Variants in BCAR3 observed in about 807,000 individuals in gnomAD.
BCAR3 encodes the protein breast cancer anti-estrogen resistance protein 3.
A neutral mutation model predicts 80.1 loss-of-function variants in BCAR3; 37 were observed. The observed-to-expected ratio is 0.46, with a 90% CI of 0.36 to 0.61. The LOEUF is 0.61. Ranked by LOEUF, BCAR3 falls within the 20% of genes least tolerant of loss-of-function variation. The pLI, the probability that BCAR3 is intolerant of heterozygous loss-of-function variation, is 0.00. For synonymous variants in BCAR3, 389 were observed against 418.9 expected, an observed-to-expected ratio of 0.93 and a Z score of 0.87; for missense variants, 978 against 1,068.2, an observed-to-expected ratio of 0.92 and a Z score of 1.18.
chr1:93,806,295 G>C (rs1653650808), intron 2 of BCAR3, among the ~76,000 whole-genome samples: 1 of 152,202 alleles, frequency 6.6e-6, no homozygotes, highest in Non-Finnish European at 1.5e-5. Context: ...AGAGAGGCCA[G>C]ATGGTTGAGG....
At chr1:93,842,198 TGG>T (rs998189662) in intron 2 of BCAR3, among the ~76,000 whole-genome samples, 38 of 150,820 alleles carry the variant, frequency 2.5e-4, no homozygotes, top group Non-Finnish European at 4.6e-4. Flanking sequence ...TTGCCCAGGC[TGG>T]AGTGCAAATA....
intron 1 of BCAR3, among the ~76,000 whole-genome samples, chr1:93,680,156 A>G (rs1357782058): frequency 1.3e-5 from 2 of 152,250 alleles, no homozygotes; most frequent in African/African-American, 2.4e-5. Context: ...TCAAGTATGA[A>G]TAATTCCTCC....
intron 2 of BCAR3, among the ~76,000 whole-genome samples, chr1:93,796,772 G>A (rs1332871021): frequency 2.0e-5 from 3 of 152,176 alleles, no homozygotes; most frequent in African/African-American, 4.8e-5. Context: ...TAGGAACCAT[G>A]TTTCCATGAT....
chr1:93,585,523 C>T (rs1388465816), intron 5 of BCAR3, among the ~76,000 whole-genome samples: 1 of 152,202 alleles, frequency 6.6e-6, no homozygotes, highest in Non-Finnish European at 1.5e-5. Context: ...GAGGCCTTCC[C>T]TGCAGCAGTG....
At chr1:93,708,104 C>T (rs1187337123) in intron 2 of BCAR3, among the ~76,000 whole-genome samples, 3 of 152,242 alleles carry the variant, frequency 2.0e-5, no homozygotes, top group East Asian at 3.9e-4. Context: ...AATGGAACTT[C>T]GCAGACTGCT....
chr1:93,747,991 T>C (rs1651416044), intron 2 of BCAR3, among the ~76,000 whole-genome samples: 1 of 147,860 alleles, frequency 6.8e-6, no homozygotes, highest in African/African-American at 2.7e-5. Flanking sequence ...TGGTGGTTCA[T>C]TGGAAGGCCC....
At chr1:93,787,129 G>A (rs1363400355) in intron 2 of BCAR3, among the ~76,000 whole-genome samples, 2 of 152,180 alleles carry the variant, frequency 1.3e-5, no homozygotes, top group Admixed American at 1.3e-4. Flanking sequence ...AATGCTCATA[G>A]TTTAACATTT....
In BCAR3 at chr1:93,832,030, G is replaced by A. The variant is rs530811399; in HGVS notation, c.-63+13537C>T. ...ATGCTTTACCGCCCTAGACCCAGAA[G>A]GGCCAGAAGGCCATCTTATTCTCGA... On this transcript the variant is annotated intron_variant, in intron 2 of 13. Transcript: ENST00000370244. Among the ~76,000 whole-genome samples, 29 of 152,230 alleles carry A rather than the reference G, an allele frequency of 1.9e-4. 1 individual carries two copies. In the South Asian group the frequency reaches 6.0e-3, roughly 32 times the overall value.
chr1:93,839,347 G>C (rs1254558706), intron 2 of BCAR3, among the ~76,000 whole-genome samples: 1 of 152,236 alleles, frequency 6.6e-6, no homozygotes, highest in African/African-American at 2.4e-5. Flanking sequence ...TATCTAGTTA[G>C]ATTCAGAAAG....
intron 3 of BCAR3, chr1:93,613,773 C>T (rs1557860600): frequency 6.7e-7 from 1 of 1,501,020 alleles, no homozygotes; most frequent in Non-Finnish European, 9.0e-7. Flanking sequence ...TTATCTATTG[C>T]CCTTTAGGAA....
At chr1:93,563,840 G>A (rs926929663) in intron 11 of BCAR3, among the ~76,000 whole-genome samples, 2 of 152,074 alleles carry the variant, frequency 1.3e-5, no homozygotes, top group African/African-American at 4.8e-5. Context: ...CTACAGGTGT[G>A]TGCTACCACG....
intron 7 of BCAR3, among the ~76,000 whole-genome samples, chr1:93,578,876 A>G (rs1032242284): frequency 7.2e-5 from 11 of 152,228 alleles, no homozygotes; most frequent in African/African-American, 2.4e-4. Flanking sequence ...GGCTTTTAAT[A>G]TATTATTATC....
intron 2 of BCAR3, among the ~76,000 whole-genome samples, chr1:93,730,356 G>A (rs1650741987): frequency 6.6e-6 from 1 of 152,098 alleles, no homozygotes. Flanking sequence ...CTTCAAAACT[G>A]GGCTGACAGT....
At chr1:93,607,747 TA>T (rs1674818518) in intron 3 of BCAR3, among the ~76,000 whole-genome samples, 1 of 152,204 alleles carries the variant, frequency 6.6e-6, no homozygotes, top group African/African-American at 2.4e-5. Flanking sequence ...CTATGGCTCC[TA>T]CAGTGTTATC....
intron 2 of BCAR3, among the ~76,000 whole-genome samples, chr1:93,826,405 C>T (rs112091351): frequency 1.1e-3 from 166 of 152,328 alleles, no homozygotes; most frequent in Non-Finnish European, 1.8e-3. Context: ...TTCCCCATCA[C>T]AGCAGCTGGG....
chr1:93,769,388 TG>T (rs1652275082), intron 2 of BCAR3, among the ~76,000 whole-genome samples: 5 of 149,904 alleles, frequency 3.3e-5, no homozygotes, highest in African/African-American at 1.2e-4. Context: ...TGTGTGTGTG[TG>T]TGTGTGTGTG....
At position 93,592,247 on chromosome 1, in the gene BCAR3, A is replaced by G. The variant is rs747956252; in HGVS notation, c.486+18T>C. ...TGAGAGCAGCCGTGTATGCTCTGGA[A>G]GGGACAAGACCAGGTACCTGTCGGG... On this transcript the variant is annotated intron_variant, in intron 4 of 11. Coordinates refer to ENST00000260502, the MANE Select transcript of BCAR3 (RefSeq NM_003567.4). The surrounding 1 kb of genome is among the most constrained non-coding windows in gnomAD (Gnocchi z 4.8). 6.2e-7 allele frequency: 1 copy of G among 1,613,272 alleles called. No individual in the cohort carries two copies. The highest frequency in any genetic ancestry group is 1.7e-5 in the Admixed American group (1 of 60,002).
At chr1:93,808,031 CT>C (rs139710095) in intron 2 of BCAR3, among the ~76,000 whole-genome samples, 17 of 136,548 alleles carry the variant, frequency 1.2e-4, no homozygotes, top group Non-Finnish European at 1.6e-4. Context: ...AAGCAAAACT[CT>C]TTTTTTTTTT....
intron 2 of BCAR3, among the ~76,000 whole-genome samples, chr1:93,805,305 A>G (rs868533944): frequency 6.2e-4 from 94 of 152,374 alleles, no homozygotes; most frequent in African/African-American, 2.2e-3. Flanking sequence ...CAGCTAAGGG[A>G]TCAAGATTCT....
Sources: allele counts gnomAD v4.1 joint callset (sites outside exome capture counted in the v4.1 genomes callset), GRCh38; gene constraint gnomAD v4.1.1; non-coding constraint Gnocchi (gnomAD v3.1); transcripts MANE v1.5; gene names NCBI Gene and HGNC (gene_info 2026-07-23, HGNC 2026-07-21).